SLC44A1: variants seen among roughly 807,000 people sequenced by gnomAD.
SLC44A1 encodes the protein solute carrier family 44 member 1.
In SLC44A1, 26 loss-of-function variants were observed where a neutral mutation model predicts 79.3. The ratio of observed to expected loss-of-function variants is 0.33; its 90% CI spans 0.24 to 0.46. SLC44A1 has a LOEUF of 0.46. Among genes scored for constraint, SLC44A1 ranks in the 20% least tolerant of loss-of-function variants. SLC44A1 has a pLI of 1.00. For missense variants in SLC44A1, 688 were observed against 798.1 expected, an observed-to-expected ratio of 0.86 and a Z score of 1.66; for synonymous variants, 263 against 286.2, an observed-to-expected ratio of 0.92 and a Z score of 0.82.
chr9:105,345,100 C>T (rs1827208723), intron 4 of SLC44A1, among the ~76,000 whole-genome samples: 1 of 152,164 alleles, frequency 6.6e-6, no homozygotes, highest in African/African-American at 2.4e-5. Flanking sequence ...ATTTGGACTT[C>T]ATCCTGAGGA....
rs188517342 is a variant in SLC44A1, at chr9:105,294,692, T to A, written c.37-4528T>A. The A allele has an allele frequency of 1.4e-4, 22 of 152,194 alleles. No homozygotes were observed. In the East Asian group the frequency reaches 3.7e-3, roughly 25 times the overall value. 9.4% of individuals were successfully genotyped at this position (152,194 alleles called of 1,614,324 possible). On this transcript the variant is annotated intron_variant, in intron 1 of 15. Transcript: ENST00000374720. ...TTCTGCTTGGGATTCTCTGAACTTC[T>A]TGGATCTGTGCTTTGATTTCTTTCA...
chr9:105,336,610 G>A (rs555805763), intron 4 of SLC44A1, among the ~76,000 whole-genome samples: 1 of 152,198 alleles, frequency 6.6e-6, no homozygotes, highest in South Asian at 2.1e-4. Context: ...CCACAGGCTA[G>A]TGCTGGTTGC....
chr9:105,383,981 G>C (rs901339403), intron 14 of SLC44A1, among the ~76,000 whole-genome samples: 2 of 152,068 alleles, frequency 1.3e-5, no homozygotes, highest in Non-Finnish European at 2.9e-5. Context: ...AATGGTTTAA[G>C]TACTGTTATA....
chr9:105,260,703 G>A (rs1346139965), intron 1 of SLC44A1, among the ~76,000 whole-genome samples: 1 of 152,182 alleles, frequency 6.6e-6, no homozygotes, highest in African/African-American at 2.4e-5. Context: ...AATCCTTCAA[G>A]TTTGAAACTT....
intron 1 of SLC44A1, among the ~76,000 whole-genome samples, chr9:105,279,678 C>T (rs996899542): frequency 1.2e-4 from 18 of 152,154 alleles, no homozygotes; most frequent in African/African-American, 4.3e-4. Flanking sequence ...TTGTACTCGA[C>T]AGTGATACAG....
At chr9:105,312,976 C>G (rs182745835) in intron 3 of SLC44A1, among the ~76,000 whole-genome samples, 45 of 152,320 alleles carry the variant, frequency 3.0e-4, no homozygotes, top group African/African-American at 9.4e-4. Flanking sequence ...AGAGCCCACT[C>G]AGCCCTGCCC....
intron 3 of SLC44A1, among the ~76,000 whole-genome samples, chr9:105,324,220 G>T (rs993152139): frequency 2.7e-5 from 4 of 150,826 alleles, no homozygotes; most frequent in African/African-American, 9.8e-5. Context: ...CTCGTGATCA[G>T]GATTACAGGC....
At chr9:105,351,466 G>A (rs1226169865) in intron 5 of SLC44A1, among the ~76,000 whole-genome samples, 3 of 151,506 alleles carry the variant, frequency 2.0e-5, no homozygotes, top group Non-Finnish European at 4.4e-5. Flanking sequence ...CCTGGGAGGT[G>A]GAATTGTAGT....
intron 1 of SLC44A1, among the ~76,000 whole-genome samples, chr9:105,264,859 C>G (rs543324045): frequency 6.6e-6 from 1 of 151,062 alleles, no homozygotes; most frequent in South Asian, 2.1e-4. Flanking sequence ...TGCAAAGGTG[C>G]GATCTCGGCT....
intron 1 of SLC44A1, among the ~76,000 whole-genome samples, chr9:105,270,544 G>T (rs1305994180): frequency 6.6e-6 from 1 of 151,978 alleles, no homozygotes; most frequent in Non-Finnish European, 1.5e-5. Context: ...ATTATGTTCT[G>T]GCCAAGTTCA....
At chr9:105,290,727 A>T (rs1025485302) in intron 1 of SLC44A1, among the ~76,000 whole-genome samples, 2 of 152,344 alleles carry the variant, frequency 1.3e-5, no homozygotes, top group South Asian at 2.1e-4. Context: ...TCTCTCTGTG[A>T]TCTTTCTATC....
At chr9:105,321,158 A>AT (rs926415286) in intron 3 of SLC44A1, among the ~76,000 whole-genome samples, 10 of 151,106 alleles carry the variant, frequency 6.6e-5, no homozygotes, top group South Asian at 2.1e-4. Context: ...ATTCACAATG[A>AT]TTTTTTTTTG....
intron 13 of SLC44A1, among the ~76,000 whole-genome samples, chr9:105,376,036 T>G (rs979089236): frequency 3.9e-5 from 6 of 152,306 alleles, no homozygotes; most frequent in Middle Eastern, 3.4e-3. Context: ...TATTCATTAT[T>G]ACCATGGTAA....
intron 15 of SLC44A1, among the ~76,000 whole-genome samples, chr9:105,422,625 G>A (rs1829269320): frequency 6.6e-6 from 1 of 152,070 alleles, no homozygotes; most frequent in Admixed American, 6.6e-5. Context: ...TCCCTGGATA[G>A]GACAGACCTA....
At chr9:105,338,341 C>G (rs1826985840) in intron 4 of SLC44A1, among the ~76,000 whole-genome samples, 1 of 152,170 alleles carries the variant, frequency 6.6e-6, no homozygotes, top group African/African-American at 2.4e-5. Flanking sequence ...TTATCCTTAT[C>G]ACTGAGAAAA....
chr9:105,275,686 T>C (rs762706241), intron 1 of SLC44A1, among the ~76,000 whole-genome samples: 7 of 152,218 alleles, frequency 4.6e-5, no homozygotes, highest in South Asian at 2.1e-4. Flanking sequence ...GATCTACATG[T>C]CTGGTTTGAA....
intron 1 of SLC44A1, among the ~76,000 whole-genome samples, chr9:105,265,109 A>G (rs1178099313): frequency 6.6e-6 from 1 of 152,120 alleles, no homozygotes; most frequent in Non-Finnish European, 1.5e-5. Context: ...TCTTTCTTGT[A>G]TTGGATTCCC....
chr9:105,304,649 G>C (rs1429133934), intron 2 of SLC44A1, among the ~76,000 whole-genome samples: 1 of 152,132 alleles, frequency 6.6e-6, no homozygotes. Context: ...GGGCTTTAGA[G>C]ATTCATCTAA....
rs143051971 is a variant in SLC44A1 at position 105,416,988 on chromosome 9, T to C, written c.1951-21293T>C. On this transcript the variant is annotated intron_variant, in intron 15 of 15. Coordinates refer to the SLC44A1 transcript ENST00000374724. ...TTTGGAAAGTAACTTAGCATTCTGG[T>C]AATTACATTTGACCTGTGTGCTGTA... Among the ~76,000 whole-genome samples, 759 of 152,354 alleles carry C rather than the reference T, an allele frequency of 5.0e-3. 5 individuals are homozygous for C. The highest frequency in any genetic ancestry group is 7.0e-3 in the Non-Finnish European group (475 of 68,030).
Sources: gnomAD v4.1 joint callset for allele counts (sites outside exome capture counted in the v4.1 genomes callset) on GRCh38, gnomAD v4.1.1 for gene constraint, MANE v1.5 for transcripts, NCBI Gene and HGNC (gene_info 2026-07-23, HGNC 2026-07-21) for gene names.